ARMCX4: variants seen among roughly 807,000 people sequenced by gnomAD.
The protein encoded by ARMCX4 is armadillo repeat containing X-linked 4, also known as armadillo repeat-containing X-linked protein 4.
In ARMCX4, 3 loss-of-function variants were observed where a neutral mutation model predicts 34.7. The observed-to-expected ratio is 0.09, with a 90% CI of 0.04 to 0.22. The LOEUF is 0.22. Ranked by LOEUF, ARMCX4 falls within the 10% of genes least tolerant of loss-of-function variation. The pLI is 1.00. For synonymous variants in ARMCX4, 513 were observed against 632.8 expected, an observed-to-expected ratio of 0.81 and a Z score of 2.84; for missense variants, 1,448 against 1,720.8, an observed-to-expected ratio of 0.84 and a Z score of 2.81.
chrX:101,421,990 A>AGTT (rs782309934), intron 2 of ARMCX4, among the ~76,000 whole-genome samples: 39 of 81,290 alleles, frequency 4.8e-4, no homozygotes, highest in South Asian at 2.0e-3. Context: ...TTGGGGGATC[A>AGTT]GTTATTATTA....
chrX:101,465,032 AATC>A (rs1172664499), intron 4 of ARMCX4, among the ~76,000 whole-genome samples: 1 of 111,832 alleles, frequency 8.9e-6, no homozygotes, highest in Non-Finnish European at 1.9e-5. Flanking sequence ...ATAGTAATAG[AATC>A]TATAATTAAC....
At chrX:101,503,402 A>G (rs1347838185) in intron 7 of ARMCX4, among the ~76,000 whole-genome samples, 2 of 111,485 alleles carry the variant, frequency 1.8e-5, no homozygotes, top group Non-Finnish European at 3.8e-5. Context: ...AGTCCCACCA[A>G]CAGTGTAAAA....
chrX:101,498,555 A>G (rs1934229873), downstream of ARMCX4: 1 of 118,670 alleles, frequency 8.4e-6, no homozygotes, highest in Admixed American at 8.9e-5. Flanking sequence ...AAAAAGCTGA[A>G]TTAAATTAAT....
chrX:101,462,380 G>A (rs541868893), intron 4 of ARMCX4, among the ~76,000 whole-genome samples: 10 of 110,975 alleles, frequency 9.0e-5, no homozygotes, highest in African/African-American at 3.3e-4. Context: ...AGTGGCTCAC[G>A]CCTGTAATTC....
At chrX:101,487,728 G>C (rs1556007235) in intron 4 of ARMCX4, 37 bp downstream of exon 4, 1 of 778,374 alleles carries the variant, frequency 1.3e-6, no homozygotes, top group Non-Finnish European at 1.7e-6. Context: ...GACCTCTAGA[G>C]TGGGTTGGTG....
At chrX:101,457,903 C>A (rs1431621862) in intron 4 of ARMCX4, among the ~76,000 whole-genome samples, 5 of 109,695 alleles carry the variant, frequency 4.6e-5, no homozygotes, top group Admixed American at 9.7e-5. Flanking sequence ...CCACCATGCC[C>A]GGCTATTTTT....
chrX:101,464,715 T>G (rs1932761949), intron 4 of ARMCX4, among the ~76,000 whole-genome samples: 1 of 111,980 alleles, frequency 8.9e-6, no homozygotes, highest in African/African-American at 3.2e-5. Context: ...TTGTTTGGAA[T>G]GGTGCACATA....
chrX:101,529,664 G>T (rs1224256783), intron 11 of ARMCX4, among the ~76,000 whole-genome samples: 5 of 112,241 alleles, frequency 4.5e-5, no homozygotes, highest in African/African-American at 1.6e-4. Context: ...CCACCAAAAA[G>T]TGGGCAAAGT....
chrX:101,480,175 CAT>C (rs1189078125), intron 4 of ARMCX4, among the ~76,000 whole-genome samples: 212 of 93,723 alleles, frequency 2.3e-3, no homozygotes, highest in African/African-American at 7.4e-3. Context: ...CACACACACA[CAT>C]ATATATGCAA....
chrX:101,515,182 C>T (rs2147706574), intron 11 of ARMCX4, among the ~76,000 whole-genome samples: 1 of 111,179 alleles, frequency 9.0e-6, no homozygotes, highest in East Asian at 2.8e-4. Context: ...GTTAGTTTGA[C>T]AAAAAATGTC....
chrX:101,522,421 C>A (rs1246150533), intron 11 of ARMCX4, among the ~76,000 whole-genome samples: 1 of 111,824 alleles, frequency 8.9e-6, no homozygotes, highest in African/African-American at 3.2e-5. Context: ...ATGGTTGGAT[C>A]ACACGTTTTA....
intron 2 of ARMCX4, among the ~76,000 whole-genome samples, chrX:101,435,471 T>G (rs1930660335): frequency 8.9e-6 from 1 of 111,902 alleles, no homozygotes; most frequent in African/African-American, 3.2e-5. Flanking sequence ...CTTCGCCCAC[T>G]TTTTGATGAG....
chrX:101,515,381 T>TTCTTTC (rs782141206), intron 11 of ARMCX4, among the ~76,000 whole-genome samples: 14 of 12,264 alleles, frequency 1.1e-3, no homozygotes, highest in Non-Finnish European at 1.3e-3. Flanking sequence ...CTTTCTTTCT[T>TTCTTTC]TTTCTTTCTT....
chrX:101,471,424 A>G (rs1414553663), intron 4 of ARMCX4, among the ~76,000 whole-genome samples: 1 of 112,399 alleles, frequency 8.9e-6, no homozygotes, highest in Non-Finnish European at 1.9e-5. Context: ...TTTTTATGCT[A>G]GAAACCTTAT....
At position 101,532,921 on chromosome X, in the gene ARMCX4, T is replaced by A. The variant is rs1276234309; in HGVS notation, c.*2150-163T>A. 1.8e-4 allele frequency: 20 copies of A among 111,254 alleles called. No homozygotes were observed. In the Admixed American group the frequency reaches 1.9e-3, roughly 11 times the overall value. The allele number at this position is 111,254 out of a possible 1,213,427, so 9.2% of individuals were successfully genotyped here. A position where few individuals can be genotyped will look rare whatever the true frequency, so the allele number is the denominator to read the frequency against. Reference sequence around the variant, plus strand: ...CGTGACAGTACGGTGGCTGATGGGATTTTTTTTGTCCCTGCCTCCCTGTTG... The same window carrying A: ...CGTGACAGTACGGTGGCTGATGGGAATTTTTTTGTCCCTGCCTCCCTGTTG... On this transcript the variant is annotated intron_variant and NMD_transcript_variant, in intron 12 of 12. Transcript: ENST00000354842.
At chrX:101,530,071 C>A (rs1935089535) in intron 11 of ARMCX4, among the ~76,000 whole-genome samples, 2 of 111,945 alleles carry the variant, frequency 1.8e-5, no homozygotes, top group African/African-American at 6.5e-5. Flanking sequence ...ATAGCAAAGA[C>A]TTGAAACCAA....
Position 101,477,417 on chromosome X carries a change from C to T in ARMCX4, c.-472-8606C>T, listed in dbSNP as rs782080938. ...CTGTACTCCAGCCTGGGTGACAGAG[C>T]GAGACTCTGTCTCAAAAAAAAAAAA... On this transcript the variant is annotated intron_variant and NMD_transcript_variant, in intron 4 of 15. Coordinates refer to the ARMCX4 transcript ENST00000433011. 8.5e-5 allele frequency among the ~76,000 whole-genome samples: 5 copies of T among 59,127 alleles called. No homozygotes were observed. The East Asian group carries it at 2.7e-3, about 31-fold the overall frequency. The allele number at this position is 59,127 out of a possible 115,157, so 51.3% of individuals were successfully genotyped here. A position where few individuals can be genotyped will look rare whatever the true frequency, so the allele number is the denominator to read the frequency against.
At chrX:101,485,583 C>A in intron 1 of ARMCX4, 53 bp downstream of exon 1, 1 of 185,998 alleles carries the variant, frequency 5.4e-6, no homozygotes, top group Non-Finnish European at 8.4e-6. Flanking sequence ...AGCTCACTGA[C>A]CCCGGCAGCG....
At chrX:101,479,576 G>T (rs1556004984) in intron 4 of ARMCX4, among the ~76,000 whole-genome samples, 1 of 108,771 alleles carries the variant, frequency 9.2e-6, no homozygotes, top group Non-Finnish European at 1.9e-5. Context: ...CACCTCCAGG[G>T]TTCAAGCGAT....
Sources: allele counts gnomAD v4.1 joint callset (sites outside exome capture counted in the v4.1 genomes callset), GRCh38; gene constraint gnomAD v4.1.1; transcripts MANE v1.5; gene names NCBI Gene and HGNC (gene_info 2026-07-23, HGNC 2026-07-21).